ZNF578: variants seen among roughly 807,000 people sequenced by gnomAD.
ZNF578 encodes the protein zinc finger protein 578.
ZNF578 carries 8 observed loss-of-function variants against 8.3 expected under a neutral mutation model. The ratio of observed to expected loss-of-function variants is 0.96; its 90% CI spans 0.56 to 1.74. The LOEUF is 1.74. Among genes scored for constraint, ZNF578 ranks in the 40% most tolerant of loss-of-function variants. The pLI, the probability that ZNF578 is intolerant of heterozygous loss-of-function variation, is 0.00. For synonymous variants in ZNF578, 206 were observed against 232.2 expected, an observed-to-expected ratio of 0.89 and a Z score of 1.03; for missense variants, 726 against 707.5, an observed-to-expected ratio of 1.03 and a Z score of -0.30.
At chr19:52,487,872 A>G (rs987586670) in intron 2 of ZNF578, among the ~76,000 whole-genome samples, 7 of 152,012 alleles carry the variant, frequency 4.6e-5, no homozygotes, top group African/African-American at 1.7e-4. Context: ...CCTGGGCTGA[A>G]AGGATCCTCC....
chr19:52,486,508 A>T (rs2059346338), intron 2 of ZNF578, among the ~76,000 whole-genome samples: 1 of 152,190 alleles, frequency 6.6e-6, no homozygotes, highest in South Asian at 2.1e-4. Flanking sequence ...AACTGGAGAA[A>T]TGTAGAGAAA....
rs372620511 is a variant in ZNF578, at chr19:52,512,020, G to C, written c.1639G>C (p.Ala547Pro). The change falls in exon 6 of 6, where the codon GCT becomes CCT. Residue 547 changes from alanine to proline, a missense_variant. Physicochemically the swap from Ala to Pro is conservative, Grantham distance 27. Coordinates refer to ENST00000421239, the MANE Select transcript of ZNF578 (RefSeq NM_001099694.2). ...TTACAAATGTAAGGTTTGTGACAAG[G>C]CTTTCATGTGCCATTCTTATCTGGC... ...KPYKCKVCDKAFMCHSYLANH... is the reference protein window; with the variant it reads ...KPYKCKVCDKPFMCHSYLANH... The C allele has an allele frequency of 4.4e-5, 71 of 1,613,988 alleles. No individual in the cohort carries two copies. The African/African-American group carries it at 6.9e-4, about 16-fold the overall frequency.
rs149262688 is a variant in ZNF578 at position 52,503,754 on chromosome 19, G to A, written c.64-901G>A. Among the ~76,000 whole-genome samples the A allele has an allele frequency of 2.7e-5, 4 of 149,812 alleles. No individual in the cohort carries two copies. In the East Asian group the frequency reaches 7.8e-4, roughly 29 times the overall value. ...CTAGAGACTAAATATCAGCTCGTAT[G>A]TTGAACATAATATCTGACATGTCTG... On this transcript the variant is annotated intron_variant, in intron 4 of 5. Coordinates refer to ENST00000421239, the MANE Select transcript of ZNF578 (RefSeq NM_001099694.2).
rs995724761 is a variant in ZNF578 at position 52,499,587 on chromosome 19, T to C, written c.-19-2240T>C. ...AACTTGACAGCACATATTTTAAATA[T>C]GGGAAATACATTACATTATTTGTAA... On this transcript the variant is annotated intron_variant, in intron 3 of 5. Coordinates refer to ENST00000421239, the MANE Select transcript of ZNF578 (RefSeq NM_001099694.2). Among the ~76,000 whole-genome samples, 5 of 152,204 alleles carry C rather than the reference T, an allele frequency of 3.3e-5. No homozygotes were observed. In the East Asian group the frequency reaches 9.7e-4, roughly 29 times the overall value.
rs1043541514 is a variant in ZNF578 at position 52,516,073 on chromosome 19, T to G, written c.*3919T>G. Among the ~76,000 whole-genome samples the G allele has an allele frequency of 1.6e-4, 25 of 152,230 alleles. No individual in the cohort carries two copies. Among genetic ancestry groups the G allele is most frequent in the African/African-American group, 5.3e-4 (22 of 41,542 alleles). On this transcript the variant is annotated 3_prime_UTR_variant, in exon 6 of 6. Transcript: ENST00000421239. ...CATGACTCCCTCTGCCCCAGTCACATTTGCTTTTCTCTTTTCCCAAACATC... is the reference window on the plus strand; with the variant it reads ...CATGACTCCCTCTGCCCCAGTCACAGTTGCTTTTCTCTTTTCCCAAACATC...
intron 2 of ZNF578, among the ~76,000 whole-genome samples, chr19:52,481,542 C>A (rs2059326447): frequency 6.6e-6 from 1 of 152,062 alleles, no homozygotes; most frequent in African/African-American, 2.4e-5. Context: ...TTTAAACTTC[C>A]TATTTATAAG....
At chr19:52,491,727 AG>A (rs2059365642) in intron 3 of ZNF578, among the ~76,000 whole-genome samples, 2 of 152,272 alleles carry the variant, frequency 1.3e-5, no homozygotes, top group East Asian at 3.9e-4. Flanking sequence ...ATAAAATAAA[AG>A]AAAAAAGTAA....
At chr19:52,506,076 T>A (rs946054014) in intron 5 of ZNF578, among the ~76,000 whole-genome samples, 1 of 152,116 alleles carries the variant, frequency 6.6e-6, no homozygotes, top group Non-Finnish European at 1.5e-5. Context: ...TTTTGGTAGT[T>A]CTATTACAGA....
At chr19:52,474,005 G>T in intron 2 of ZNF578, 1 of 377,682 alleles carries the variant, frequency 2.6e-6, no homozygotes, top group East Asian at 6.9e-5. Flanking sequence ...TCCAGTATGA[G>T]TTCTCCAATG....
intron 2 of ZNF578, among the ~76,000 whole-genome samples, chr19:52,482,942 C>CAA (rs35843945): frequency 5.2e-4 from 29 of 55,394 alleles, no homozygotes; most frequent in Admixed American, 9.7e-4. Flanking sequence ...CTCTGTCTCC[C>CAA]AAAAAAAAAA....
At chr19:52,483,216 GAC>G (rs1242666204) in intron 2 of ZNF578, among the ~76,000 whole-genome samples, 1 of 152,080 alleles carries the variant, frequency 6.6e-6, no homozygotes, top group Admixed American at 6.5e-5. Context: ...GGTGGTTCGA[GAC>G]CAGCCTGACC....
chr19:52,475,242 T>G (rs2059304313), intron 2 of ZNF578: 1 of 221,638 alleles, frequency 4.5e-6, no homozygotes, highest in Non-Finnish European at 9.7e-6. Context: ...TTTTCCCTAA[T>G]GTGTGTTTTC....
intron 5 of ZNF578, among the ~76,000 whole-genome samples, chr19:52,509,767 T>A (rs1264788184): frequency 1.3e-5 from 2 of 152,094 alleles, no homozygotes; most frequent in Non-Finnish European, 2.9e-5. Context: ...CTCAAAAAAA[T>A]AAAACTACAA....
intron 4 of ZNF578, among the ~76,000 whole-genome samples, chr19:52,503,416 G>C (rs986538689): frequency 5.9e-5 from 9 of 152,306 alleles, no homozygotes; most frequent in African/African-American, 2.2e-4. Context: ...CGGGATCTCA[G>C]CTCACTGCAA....
chr19:52,477,503 C>T (rs2608532), intron 2 of ZNF578, among the ~76,000 whole-genome samples: 1,868 of 152,128 alleles, frequency 0.012, 44 homozygotes, highest in African/African-American at 0.043. Flanking sequence ...AGTGGGGAAC[C>T]GCATTGTAAG....
chr19:52,496,527 C>T (rs2059387307), intron 3 of ZNF578, among the ~76,000 whole-genome samples: 1 of 148,616 alleles, frequency 6.7e-6, no homozygotes, highest in Non-Finnish European at 1.5e-5. Context: ...GACGGGGTGT[C>T]ACCATGTTAG....
chr19:52,499,976 T>C (rs1344503262), intron 3 of ZNF578, among the ~76,000 whole-genome samples: 2 of 152,138 alleles, frequency 1.3e-5, no homozygotes, highest in Non-Finnish European at 2.9e-5. Context: ...CCGCTTTCCT[T>C]TTCCTGGGGC....
At chr19:52,488,319 C>T (rs1269766952) in intron 2 of ZNF578, among the ~76,000 whole-genome samples, 1 of 151,754 alleles carries the variant, frequency 6.6e-6, no homozygotes, top group Non-Finnish European at 1.5e-5. Context: ...CTTTGGGAGA[C>T]AGAGGTGGGT....
intron 2 of ZNF578, among the ~76,000 whole-genome samples, chr19:52,471,120 A>C (rs1238283384): frequency 1.3e-5 from 2 of 152,192 alleles, no homozygotes; most frequent in Admixed American, 1.3e-4. Flanking sequence ...CCTCCCTAGA[A>C]GTCAGAGAGA....
Sources: allele counts gnomAD v4.1 joint callset (sites outside exome capture counted in the v4.1 genomes callset), GRCh38; gene constraint gnomAD v4.1.1; transcripts MANE v1.5; gene names NCBI Gene and HGNC (gene_info 2026-07-23, HGNC 2026-07-21).